XPO5: variants seen among roughly 807,000 people sequenced by gnomAD.
The protein encoded by XPO5 is exportin 5.
In XPO5, 46 loss-of-function variants were observed where a neutral mutation model predicts 160.6. That is an observed-to-expected ratio of 0.29 (90% confidence interval 0.23 to 0.37). The LOEUF is 0.37. XPO5 is among the 10% of genes least tolerant of loss of function. The probability of loss-of-function intolerance (pLI) is 1.00; values close to 1 mark genes in which losing one functional copy is unlikely to be tolerated. For missense variants in XPO5, 1,090 were observed against 1,463.9 expected, an observed-to-expected ratio of 0.74 and a Z score of 4.17; for synonymous variants, 537 against 519.3, an observed-to-expected ratio of 1.03 and a Z score of -0.46.
At chr6:43,544,829 A>G (rs1794885873) in intron 20 of XPO5, among the ~76,000 whole-genome samples, 1 of 152,178 alleles carries the variant, frequency 6.6e-6, no homozygotes, top group Non-Finnish European at 1.5e-5. Flanking sequence ...ACTTCTTTTC[A>G]GAGATCTCTT....
At chr6:43,525,520 GAA>G in intron 28 of XPO5, 1 of 499,314 alleles carries the variant, frequency 2.0e-6, no homozygotes, top group African/African-American at 1.9e-5. Flanking sequence ...CAGTCAAAAA[GAA>G]AAAATCAAAA....
intron 2 of XPO5, 158 bp downstream of exon 2, chr6:43,573,322 T>G: frequency 4.2e-6 from 4 of 946,592 alleles, no homozygotes; most frequent in Non-Finnish European, 6.1e-6. Context: ...AAATCTTGAA[T>G]GAGAGCTCCT....
Position 43,525,232 on chromosome 6 carries a change from A to T in XPO5, c.3067-18T>A. 1 of 1,558,900 alleles carries T rather than the reference A, an allele frequency of 6.4e-7. No homozygotes were observed. Among genetic ancestry groups the T allele is most frequent in the Non-Finnish European group, 8.7e-7 (1 of 1,149,874 alleles). ...CAAACATCCTGAACAGGAAAAGATG[A>T]AGAGTTACAATGGAAAAAGAAGCAC... is the stretch of plus-strand genomic sequence containing the variant. On this transcript the variant is annotated intron_variant, in intron 28 of 31. Coordinates refer to ENST00000265351, the MANE Select transcript of XPO5 (RefSeq NM_020750.3).
At chr6:43,533,864 G>C in intron 21 of XPO5, 43 bp downstream of exon 21, 1 of 1,444,844 alleles carries the variant, frequency 6.9e-7, no homozygotes, top group South Asian at 1.2e-5. Flanking sequence ...ACATCCATTA[G>C]GGATAAGATA....
intron 20 of XPO5, among the ~76,000 whole-genome samples, chr6:43,540,461 A>G (rs1475367015): frequency 2.0e-5 from 3 of 152,126 alleles, no homozygotes; most frequent in Non-Finnish European, 2.9e-5. Context: ...CCTGGACGAC[A>G]GAGCAAGACT....
chr6:43,522,688 T>G lies in XPO5; in HGVS notation c.*1180A>C, dbSNP rs1333180927. On this transcript the variant is annotated 3_prime_UTR_variant, in exon 32 of 32. Transcript: ENST00000265351. ...CACCAGCTAAAAACTGTAGCTTCAG[T>G]CCACTTCGGCTCTCGGGGAAACCCT... The G allele has an allele frequency of 2.0e-6, 1 of 492,862 alleles. No homozygotes were observed. Among genetic ancestry groups the G allele is most frequent in the Admixed American group, 2.0e-5 (1 of 49,050 alleles). 30.5% of individuals were successfully genotyped at this position (492,862 alleles called of 1,614,324 possible). A position where few individuals can be genotyped will look rare whatever the true frequency, so the allele number is the denominator to read the frequency against.
chr6:43,574,533 A>T (rs1216007974), intron 1 of XPO5, among the ~76,000 whole-genome samples: 1 of 151,720 alleles, frequency 6.6e-6, no homozygotes, highest in Non-Finnish European at 1.5e-5. Flanking sequence ...CATTCCTTCC[A>T]GCGTGATGGT....
Position 43,549,789 on chromosome 6 carries a change from C to T in XPO5, c.1770+104G>A, listed in dbSNP as rs78822980. ...ACAACATATATGATAATCTACCACC[C>T]TTACTACCCCCTCCCATTTATATAA... On this transcript the variant is annotated intron_variant, in intron 16 of 31. Coordinates refer to ENST00000265351, the MANE Select transcript of XPO5 (RefSeq NM_020750.3). 7.3e-3 allele frequency: 9,535 copies of T among 1,309,016 alleles called. 457 individuals carry two copies. The African/African-American group carries it at 0.11, about 15-fold the overall frequency. The allele number at this position is 1,309,016 out of a possible 1,614,324, so 81.1% of individuals were successfully genotyped here. A position where few individuals can be genotyped will look rare whatever the true frequency, so the allele number is the denominator to read the frequency against.
At chr6:43,562,887 C>A (rs1762484188) in intron 8 of XPO5, among the ~76,000 whole-genome samples, 1 of 152,176 alleles carries the variant, frequency 6.6e-6, no homozygotes, top group South Asian at 2.1e-4. Flanking sequence ...ATTTAATTAA[C>A]AGGATCCCTT....
chr6:43,553,871 C>T lies in XPO5; in HGVS notation c.1442-368G>A, dbSNP rs992020314. On this transcript the variant is annotated intron_variant, in intron 13 of 31. Coordinates refer to ENST00000265351, the MANE Select transcript of XPO5 (RefSeq NM_020750.3). ...TTGATAAACATGAATTAGTTTCTCC[C>T]CTCCTCCCCCTTTATAATCTTTTCC... is the stretch of plus-strand genomic sequence containing the variant. Among the ~76,000 whole-genome samples the T allele has an allele frequency of 2.6e-5, 4 of 151,964 alleles. No individual in the cohort carries two copies. In the South Asian group the frequency reaches 8.3e-4, roughly 32 times the overall value.
At chr6:43,537,311 C>T (rs1794401072) in intron 20 of XPO5, among the ~76,000 whole-genome samples, 1 of 152,134 alleles carries the variant, frequency 6.6e-6, no homozygotes, top group African/African-American at 2.4e-5. Context: ...ATAGATCAAC[C>T]TGTAATACAT....
rs1369827140 is a variant in XPO5 at position 43,522,455 on chromosome 6, T to C, written c.*1413A>G. ...ATGAAGTCACAGGATGTTAAAAATA[T>C]TACAATGCAATAAATACAACTACAT... is the stretch of plus-strand genomic sequence containing the variant. On this transcript the variant is annotated 3_prime_UTR_variant, in exon 32 of 32. Transcript: ENST00000265351. 6.8e-5 allele frequency: 11 copies of C among 162,332 alleles called. No homozygotes were observed. Among genetic ancestry groups the C allele is most frequent in the Non-Finnish European group, 1.2e-4 (9 of 73,050 alleles). The allele number at this position is 162,332 out of a possible 1,614,324, so 10.1% of individuals were successfully genotyped here. A position where few individuals can be genotyped will look rare whatever the true frequency, so the allele number is the denominator to read the frequency against.
At chr6:43,553,572 A>C (rs923771587) in intron 13 of XPO5, 69 bp from the exon 14 acceptor site, 2 of 1,510,484 alleles carry the variant, frequency 1.3e-6, no homozygotes, top group African/African-American at 1.4e-5. Context: ...GAAAGATCGC[A>C]GAAGACACAG....
chr6:43,573,716 G>T, intron 1 of XPO5, 115 bp from the exon 2 acceptor site: 1 of 1,301,942 alleles, frequency 7.7e-7, no homozygotes, highest in Non-Finnish European at 1.0e-6. Context: ...ACCTGTCCCA[G>T]CACTCTGGGA....
At chr6:43,549,697 G>T in intron 16 of XPO5, 119 bp from the exon 17 acceptor site, 1 of 1,256,602 alleles carries the variant, frequency 8.0e-7, no homozygotes. Context: ...ACAACCCTAA[G>T]AGTATAATGG....
chr6:43,548,239 C>A, intron 18 of XPO5, 22 bp downstream of exon 18: 1 of 1,562,630 alleles, frequency 6.4e-7, no homozygotes. Flanking sequence ...TAGTAAGAGT[C>A]AGGGCAAGGG....
Position 43,525,502 on chromosome 6 carries a change from T to C in XPO5, c.3067-288A>G, listed in dbSNP as rs547456087. 27 of 500,504 alleles carry C rather than the reference T, an allele frequency of 5.4e-5. No homozygotes were observed. In the East Asian group the frequency reaches 9.1e-4, roughly 17 times the overall value. The allele number at this position is 500,504 out of a possible 1,614,324, so 31.0% of individuals were successfully genotyped here. Reference sequence around the variant, plus strand: ...AAGGAGTTTACTTCCTCTATTTTTGTGTATTGCCAGTCAAAAAGAAAAAAT... The same window carrying C: ...AAGGAGTTTACTTCCTCTATTTTTGCGTATTGCCAGTCAAAAAGAAAAAAT... On this transcript the variant is annotated intron_variant, in intron 28 of 31. Transcript: ENST00000265351.
chr6:43,525,978 T>C, intron 27 of XPO5, 57 bp from the exon 28 acceptor site: 2 of 1,590,954 alleles, frequency 1.3e-6, no homozygotes, highest in Non-Finnish European at 1.7e-6. Context: ...GAAGAATATC[T>C]TGTTCTGACA....
chr6:43,560,746 G>A (rs905123637), intron 10 of XPO5, among the ~76,000 whole-genome samples, 178 bp downstream of exon 10: 3 of 152,288 alleles, frequency 2.0e-5, no homozygotes, highest in Non-Finnish European at 2.9e-5. Flanking sequence ...CTAGACAAGT[G>A]CACTGTTTGG....
Sources: allele counts gnomAD v4.1 joint callset (sites outside exome capture counted in the v4.1 genomes callset), GRCh38; gene constraint gnomAD v4.1.1; transcripts MANE v1.5; gene names NCBI Gene and HGNC (gene_info 2026-07-23, HGNC 2026-07-21).